Variants in LRRIQ3 observed in about 807,000 individuals in gnomAD.
LRRIQ3 encodes the protein leucine rich repeats and IQ motif containing 3.
In LRRIQ3, 75 loss-of-function variants were observed where a neutral mutation model predicts 59.3. The ratio of observed to expected loss-of-function variants is 1.26; its 90% CI spans 1.05 to 1.53. The LOEUF (loss-of-function observed/expected upper bound fraction) is 1.53. LRRIQ3 is among the 40% of genes most tolerant of loss of function. The probability of loss-of-function intolerance (pLI) is 0.00; values close to 1 mark genes in which losing one functional copy is unlikely to be tolerated. For synonymous variants in LRRIQ3, 250 were observed against 231.3 expected, an observed-to-expected ratio of 1.08 and a Z score of -0.73; for missense variants, 831 against 710.0, an observed-to-expected ratio of 1.17 and a Z score of -1.94.
intron 5 of LRRIQ3, among the ~76,000 whole-genome samples, chr1:74,080,557 C>T (rs1646262871): frequency 6.6e-6 from 1 of 151,674 alleles, no homozygotes; most frequent in Admixed American, 6.6e-5. Context: ...CTTTCAAATT[C>T]AAGGTGCATT....
intron 4 of LRRIQ3, among the ~76,000 whole-genome samples, chr1:74,132,262 T>A (rs1392468856): frequency 6.6e-6 from 1 of 152,146 alleles, no homozygotes; most frequent in African/African-American, 2.4e-5. Flanking sequence ...TTCTCACGGA[T>A]AGGATGAATC....
At chr1:74,121,332 T>C (rs2100586659) in intron 4 of LRRIQ3, among the ~76,000 whole-genome samples, 1 of 152,286 alleles carries the variant, frequency 6.6e-6, no homozygotes, top group East Asian at 1.9e-4. Context: ...AATGATATTA[T>C]TTGTTTATTA....
intron 5 of LRRIQ3, among the ~76,000 whole-genome samples, chr1:74,078,430 A>G (rs568666323): frequency 6.6e-6 from 1 of 152,070 alleles, no homozygotes; most frequent in African/African-American, 2.4e-5. Context: ...CTGGAAGTAA[A>G]TTAAGCAAAT....
intron 1 of LRRIQ3, among the ~76,000 whole-genome samples, chr1:74,191,516 C>T (rs1383547709): frequency 1.3e-5 from 2 of 152,022 alleles, no homozygotes; most frequent in Admixed American, 6.6e-5. Flanking sequence ...GGAGCATTCA[C>T]TCACCAAGAC....
At chr1:74,157,202 C>T (rs1346101148) in intron 3 of LRRIQ3, among the ~76,000 whole-genome samples, 1 of 152,102 alleles carries the variant, frequency 6.6e-6, no homozygotes, top group Admixed American at 6.6e-5. Context: ...CCTAAACACT[C>T]TGCTTCTTTT....
chr1:74,084,002 T>A (rs572679255), intron 5 of LRRIQ3: 75 of 485,478 alleles, frequency 1.5e-4, no homozygotes, highest in Admixed American at 4.7e-4. Flanking sequence ...AAAGTGTTAA[T>A]AAATGCTAGC....
chr1:74,037,031 C>A (rs1220917595), intron 7 of LRRIQ3, among the ~76,000 whole-genome samples: 1 of 152,028 alleles, frequency 6.6e-6, no homozygotes, highest in African/African-American at 2.4e-5. Flanking sequence ...GACTTAAGTA[C>A]AAATATGTAA....
Position 74,182,554 on chromosome 1 carries a change from C to A in LRRIQ3, c.557G>T (p.Cys186Phe), listed in dbSNP as rs1418452937. ...GCCAATTACCTTTCTCAAAGCTGGG[C>A]AGAAATTAAAGAAAAGTCGATGGTT... Reference protein sequence around the residue: ...ACNHRLFFNFCPALRKGTTYE... With the variant: ...ACNHRLFFNFFPALRKGTTYE... The change falls in exon 3 of 8, where the codon TGC becomes TTC. Residue 186 changes from cysteine to phenylalanine, a missense_variant. Transcript: ENST00000354431. The A allele has an allele frequency of 6.4e-7, 1 of 1,556,804 alleles. No individual in the cohort carries two copies. The highest frequency in any genetic ancestry group is 1.9e-5 in the Admixed American group (1 of 51,696).
intron 5 of LRRIQ3, among the ~76,000 whole-genome samples, chr1:74,103,863 A>T (rs1646569288): frequency 1.3e-5 from 2 of 151,470 alleles, no homozygotes; most frequent in Non-Finnish European, 2.9e-5. Flanking sequence ...CTAGTTCTTG[A>T]TGTATGAAAT....
chr1:74,131,821 C>T (rs1647026259), intron 4 of LRRIQ3, among the ~76,000 whole-genome samples: 1 of 152,098 alleles, frequency 6.6e-6, no homozygotes, highest in Admixed American at 6.6e-5. Context: ...TGGCACAAGA[C>T]AGGGATGCCC....
chr1:74,172,760 ATATAT>A (rs1211171264), intron 3 of LRRIQ3, among the ~76,000 whole-genome samples: 2 of 152,152 alleles, frequency 1.3e-5, no homozygotes, highest in Non-Finnish European at 2.9e-5. Flanking sequence ...TTGAGTGCAA[ATATAT>A]TTATATTTGT....
chr1:74,126,457 A>AT (rs934048866), intron 4 of LRRIQ3, among the ~76,000 whole-genome samples: 16 of 151,668 alleles, frequency 1.1e-4, no homozygotes, highest in Admixed American at 4.6e-4. Context: ...TTGTTTAAAG[A>AT]TTTTTTAATA....
At chr1:74,174,539 T>C (rs1477211024) in intron 3 of LRRIQ3, among the ~76,000 whole-genome samples, 1 of 127,958 alleles carries the variant, frequency 7.8e-6, no homozygotes, top group Non-Finnish European at 1.6e-5. Context: ...CCTGCCATCA[T>C]GCCTGGCTAT....
intron 7 of LRRIQ3, among the ~76,000 whole-genome samples, chr1:74,030,795 A>C (rs1376271912): frequency 2.0e-5 from 3 of 152,230 alleles, no homozygotes; most frequent in African/African-American, 4.8e-5. Flanking sequence ...TCTGCACAGC[A>C]AAAGAAACTA....
chr1:74,173,728 AAAT>A (rs1313722043), intron 3 of LRRIQ3, among the ~76,000 whole-genome samples: 7 of 152,172 alleles, frequency 4.6e-5, no homozygotes, highest in East Asian at 3.9e-4. Flanking sequence ...AAACAATAAA[AAAT>A]AATAATAATA....
intron 5 of LRRIQ3, among the ~76,000 whole-genome samples, chr1:74,097,189 G>A (rs1482333699): frequency 1.3e-5 from 2 of 152,120 alleles, no homozygotes; most frequent in Non-Finnish European, 2.9e-5. Flanking sequence ...TGGCTTACTA[G>A]AATAACCAGT....
chr1:74,141,699 T>C (rs1218267083), intron 4 of LRRIQ3, among the ~76,000 whole-genome samples: 2 of 151,808 alleles, frequency 1.3e-5, no homozygotes, highest in African/African-American at 4.8e-5. Flanking sequence ...TTTACAACAA[T>C]TTTATGTCAC....
At chr1:74,097,413 C>G (rs948083835) in intron 5 of LRRIQ3, among the ~76,000 whole-genome samples, 2 of 152,066 alleles carry the variant, frequency 1.3e-5, no homozygotes, top group African/African-American at 4.8e-5. Flanking sequence ...TGTGAAAAGA[C>G]CAAATCTACG....
intron 5 of LRRIQ3, chr1:74,081,871 G>A (rs909162420): frequency 1.3e-5 from 2 of 151,226 alleles, no homozygotes; most frequent in African/African-American, 4.8e-5. Context: ...AGCCTTCAAA[G>A]CATTCGTTGC....
Sources: gnomAD v4.1 joint callset for allele counts (sites outside exome capture counted in the v4.1 genomes callset) on GRCh38, gnomAD v4.1.1 for gene constraint, MANE v1.5 for transcripts, NCBI Gene and HGNC (gene_info 2026-07-23, HGNC 2026-07-21) for gene names.